Variants in RABGAP1L observed in about 807,000 individuals in gnomAD.
The protein encoded by RABGAP1L is RAB GTPase activating protein 1 like, also known as rab GTPase-activating protein 1-like.
A neutral mutation model predicts 137.7 loss-of-function variants in RABGAP1L; 63 were observed. The ratio of observed to expected loss-of-function variants is 0.46; its 90% CI spans 0.37 to 0.56. The LOEUF is 0.56. Ranked by LOEUF, RABGAP1L falls within the 20% of genes least tolerant of loss-of-function variation. The pLI is 0.00. For missense variants in RABGAP1L, 1,095 were observed against 1,244.0 expected (o/e 0.88, Z 1.80); for synonymous variants, 431 against 433.7 (o/e 0.99, Z 0.08).
chr1:174,430,383 A>G lies in RABGAP1L; in HGVS notation c.1710+36238A>G, dbSNP rs537485460. 2.6e-5 allele frequency among the ~76,000 whole-genome samples: 4 copies of G among 152,258 alleles called. No individual in the cohort carries two copies. In the South Asian group the frequency reaches 6.2e-4, roughly 24 times the overall value. The stretch of plus-strand genomic sequence containing the variant: ...AAAAAAAAAAAAAAATTTTTTTTCA[A>G]AGGCCTTACCACTTCTTATAGCACC... On this transcript the variant is annotated intron_variant, in intron 13 of 25. Transcript: ENST00000681986.
intron 14 of RABGAP1L, among the ~76,000 whole-genome samples, chr1:174,667,732 T>G (rs1451613744): frequency 3.3e-5 from 5 of 152,190 alleles, no homozygotes; most frequent in Non-Finnish European, 7.4e-5. Context: ...TTAACTCTAT[T>G]TCCTGTGCTA....
chr1:174,848,948 C>A (rs1450592505), intron 19 of RABGAP1L, among the ~76,000 whole-genome samples: 3 of 151,770 alleles, frequency 2.0e-5, no homozygotes, highest in Non-Finnish European at 4.4e-5. Flanking sequence ...TTTTTTAAGC[C>A]GGTCTGAAAA....
chr1:174,807,731 A>T (rs1002091157), intron 18 of RABGAP1L, among the ~76,000 whole-genome samples: 1 of 152,146 alleles, frequency 6.6e-6, no homozygotes, highest in South Asian at 2.1e-4. Flanking sequence ...TTCACAATGA[A>T]ATTAGCTGTA....
chr1:174,544,392 T>G (rs1329888402), intron 13 of RABGAP1L, among the ~76,000 whole-genome samples: 1 of 152,230 alleles, frequency 6.6e-6, no homozygotes, highest in Non-Finnish European at 1.5e-5. Flanking sequence ...TTTAATCAGC[T>G]GCTGAAGCTT....
Position 174,493,821 on chromosome 1 carries a change from G to GA in RABGAP1L, c.1710+99696dup, listed in dbSNP as rs1216753395. 5.7e-3 allele frequency among the ~76,000 whole-genome samples: 507 copies of GA among 89,488 alleles called. 4 individuals carry two copies. Among genetic ancestry groups the GA allele is most frequent in the East Asian group, 0.029 (103 of 3,548 alleles). 58.7% of individuals were successfully genotyped at this position (89,488 alleles called of 152,430 possible). On this transcript the variant is annotated intron_variant, in intron 13 of 25. Coordinates refer to ENST00000681986, the MANE Select transcript of RABGAP1L (RefSeq NM_001366446.1). ...GGGAAATGGGAGTGAGACCCTGTCT[G>GA]AAAAAAAAAAAAAAAAAAAAGTATA...
At chr1:174,776,073 A>G (rs1686504299) in intron 18 of RABGAP1L, among the ~76,000 whole-genome samples, 1 of 152,088 alleles carries the variant, frequency 6.6e-6, no homozygotes, top group South Asian at 2.1e-4. Flanking sequence ...GGCCATATCT[A>G]AAGTTGGTGT....
chr1:174,226,375 A>G (rs1023674934), intron 3 of RABGAP1L, among the ~76,000 whole-genome samples: 1 of 152,222 alleles, frequency 6.6e-6, no homozygotes, highest in Non-Finnish European at 1.5e-5. Flanking sequence ...AGCCTGCGCA[A>G]CATAGCGAAA....
chr1:174,456,108 A>G (rs1656014369), intron 13 of RABGAP1L, among the ~76,000 whole-genome samples: 1 of 152,114 alleles, frequency 6.6e-6, no homozygotes, highest in South Asian at 2.1e-4. Context: ...TTTGTGACAT[A>G]GGAAAAATTA....
Position 174,327,980 on chromosome 1 carries a change from C to CACACATATATATATATATATATATATAT in RABGAP1L, c.1465+22858_1465+22859insTATATATATATATATATATATATACACA, listed in dbSNP as rs1680620026. On this transcript the variant is annotated intron_variant, in intron 11 of 25. Transcript: ENST00000681986. ...AAATATATATATATATATATATATACACACACATATATATATATATATATA... is the reference window on the plus strand; with the variant it reads ...AAATATATATATATATATATATATACACACATATATATATATATATATATATATACACACATATATATATATATATATA... Among the ~76,000 whole-genome samples the CACACATATATATATATATATATATATAT allele has an allele frequency of 3.8e-5, 4 of 105,914 alleles. No homozygotes were observed. In the South Asian group the frequency reaches 9.0e-4, roughly 24 times the overall value. The allele number at this position is 105,914 out of a possible 152,430, so 69.5% of individuals were successfully genotyped here.
intron 13 of RABGAP1L, among the ~76,000 whole-genome samples, chr1:174,619,344 C>G (rs537095406): frequency 6.6e-6 from 1 of 152,146 alleles, no homozygotes; most frequent in African/African-American, 2.4e-5. Context: ...TTGTCAGATT[C>G]ACCACAGTGG....
At chr1:174,878,090 T>A (rs1254175825) in intron 19 of RABGAP1L, among the ~76,000 whole-genome samples, 1 of 152,226 alleles carries the variant, frequency 6.6e-6, no homozygotes, top group East Asian at 1.9e-4. Context: ...AATTTGCCAT[T>A]CTCTCAGGAT....
chr1:174,469,231 T>C (rs937556713), intron 13 of RABGAP1L, among the ~76,000 whole-genome samples: 2 of 152,170 alleles, frequency 1.3e-5, no homozygotes, highest in African/African-American at 4.8e-5. Context: ...TATATATAAT[T>C]GTATATGAAT....
chr1:174,523,556 G>A (rs1333915924), intron 13 of RABGAP1L, among the ~76,000 whole-genome samples: 2 of 152,146 alleles, frequency 1.3e-5, no homozygotes, highest in Admixed American at 6.6e-5. Context: ...ATTTTTACAT[G>A]CATAAAATGT....
chr1:174,447,830 C>T (rs1047851202), intron 13 of RABGAP1L, among the ~76,000 whole-genome samples: 3 of 151,958 alleles, frequency 2.0e-5, no homozygotes, highest in African/African-American at 4.8e-5. Context: ...CCAGAGGAAA[C>T]TAATTAGTGA....
chr1:174,962,204 C>CCG lies in RABGAP1L; in HGVS notation c.2433+4656_2433+4657insGC, dbSNP rs1553295782. On this transcript the variant is annotated intron_variant, in intron 20 of 25. Transcript: ENST00000681986. ...AATAAAAATAAAAATACACCCCCCC[C>CCG]CCACACACACACACAGCTAGTTAAT... Among the ~76,000 whole-genome samples, 10 of 125,654 alleles carry CCG rather than the reference C, an allele frequency of 8.0e-5. No individual in the cohort carries two copies. In the East Asian group the frequency reaches 1.9e-3, roughly 24 times the overall value. 82.4% of individuals were successfully genotyped at this position (125,654 alleles called of 152,430 possible).
At chr1:174,549,582 T>C (rs145003916) in intron 13 of RABGAP1L, among the ~76,000 whole-genome samples, 1 of 152,278 alleles carries the variant, frequency 6.6e-6, no homozygotes, top group East Asian at 1.9e-4. Context: ...TCTGAGACTT[T>C]TAGTAATAGC....
chr1:174,809,887 A>T (rs1284813985), intron 18 of RABGAP1L, among the ~76,000 whole-genome samples: 1 of 152,232 alleles, frequency 6.6e-6, no homozygotes. Context: ...AGTTGTTTCC[A>T]GTAACTGCCT....
intron 13 of RABGAP1L, among the ~76,000 whole-genome samples, chr1:174,587,989 G>C (rs534491300): frequency 6.6e-6 from 1 of 151,900 alleles, no homozygotes; most frequent in African/African-American, 2.4e-5. Context: ...TCAGCCTCCC[G>C]AGTAGTTGGG....
At chr1:174,221,562 A>T (rs987166421) in intron 3 of RABGAP1L, among the ~76,000 whole-genome samples, 1 of 152,244 alleles carries the variant, frequency 6.6e-6, no homozygotes, top group African/African-American at 2.4e-5. Context: ...AAACATATCA[A>T]TTCCAACAGT....
Sources: allele counts gnomAD v4.1 joint callset (sites outside exome capture counted in the v4.1 genomes callset), GRCh38; gene constraint gnomAD v4.1.1; transcripts MANE v1.5; gene names NCBI Gene and HGNC (gene_info 2026-07-23, HGNC 2026-07-21).